Variants in FAM135B observed in about 807,000 individuals in gnomAD.
The protein encoded by FAM135B is protein FAM135B.
In FAM135B, 43 loss-of-function variants were observed where a neutral mutation model predicts 127.7. The ratio of observed to expected loss-of-function variants is 0.34; its 90% CI spans 0.26 to 0.43. The LOEUF (loss-of-function observed/expected upper bound fraction) is 0.43. FAM135B is among the 20% of genes least tolerant of loss of function. The pLI is 1.00. For synonymous variants in FAM135B, 670 were observed against 665.1 expected (o/e 1.01, Z -0.11); for missense variants, 1,558 against 1,725.6 (o/e 0.90, Z 1.72).
intron 1 of FAM135B, among the ~76,000 whole-genome samples, chr8:138,407,604 C>A (rs1193668392): frequency 6.6e-6 from 1 of 152,162 alleles, no homozygotes; most frequent in Non-Finnish European, 1.5e-5. Flanking sequence ...AATAATGCTG[C>A]ATACCTACAA....
In FAM135B at chr8:138,341,223, A is replaced by T. The variant is rs80205495; in HGVS notation, c.77+26684T>A. Among the ~76,000 whole-genome samples, 1,329 of 152,354 alleles carry T rather than the reference A, an allele frequency of 8.7e-3. 23 individuals carry two copies. Among genetic ancestry groups the T allele is most frequent in the African/African-American group, 0.031 (1,275 of 41,576 alleles). ...ATGCCCATACAATGGAACAGTATTC[A>T]GCCTTAAAATGGAAGGAAATTCTGA... On this transcript the variant is annotated intron_variant, in intron 2 of 19. Coordinates refer to ENST00000395297, the MANE Select transcript of FAM135B (RefSeq NM_015912.4).
intron 7 of FAM135B, among the ~76,000 whole-genome samples, chr8:138,221,871 A>G (rs1200791692): frequency 2.0e-5 from 3 of 152,254 alleles, no homozygotes; most frequent in African/African-American, 7.2e-5. Context: ...ATGCGCACAC[A>G]CCCACACATA....
At chr8:138,362,704 CTTA>C (rs1389513074) in intron 2 of FAM135B, among the ~76,000 whole-genome samples, 1 of 152,156 alleles carries the variant, frequency 6.6e-6, no homozygotes, top group Admixed American at 6.6e-5. Flanking sequence ...GGTACGATTA[CTTA>C]TTATTGTTAT....
chr8:138,367,512 G>A (rs535734421), intron 2 of FAM135B: 29 of 451,528 alleles, frequency 6.4e-5, no homozygotes, highest in Admixed American at 4.1e-4. Context: ...GTTACAATAC[G>A]TGGTTTTGAA....
chr8:138,453,612 C>A (rs1218868370), intron 1 of FAM135B, among the ~76,000 whole-genome samples: 2 of 152,112 alleles, frequency 1.3e-5, no homozygotes, highest in African/African-American at 4.8e-5. Flanking sequence ...GCCAGGGTAC[C>A]ACATACAGTT....
chr8:138,226,644 C>A (rs1376164599), intron 7 of FAM135B, among the ~76,000 whole-genome samples: 1 of 152,118 alleles, frequency 6.6e-6, no homozygotes, highest in African/African-American at 2.4e-5. Context: ...TCACTGCAAC[C>A]ACCACCTCCC....
intron 6 of FAM135B, among the ~76,000 whole-genome samples, chr8:138,249,856 T>C (rs987473339): frequency 2.0e-5 from 3 of 152,216 alleles, no homozygotes; most frequent in African/African-American, 4.8e-5. Context: ...CGTGGAACTT[T>C]TGCCCATGTG....
At chr8:138,390,689 T>C (rs979821368) in intron 1 of FAM135B, among the ~76,000 whole-genome samples, 5 of 152,314 alleles carry the variant, frequency 3.3e-5, no homozygotes, top group Non-Finnish European at 4.4e-5. Context: ...AAATCAGCCA[T>C]TCACTAAATG....
chr8:138,354,663 G>C (rs930494652), intron 2 of FAM135B, among the ~76,000 whole-genome samples: 2 of 152,070 alleles, frequency 1.3e-5, no homozygotes, highest in African/African-American at 4.8e-5. Context: ...AGAATTCTTA[G>C]GATAGAGCCA....
chr8:138,286,310 C>T (rs896091731), intron 3 of FAM135B, among the ~76,000 whole-genome samples: 4 of 152,154 alleles, frequency 2.6e-5, no homozygotes, highest in Admixed American at 2.0e-4. Context: ...GCTCTTGGAC[C>T]CCTGGGTCAG....
intron 1 of FAM135B, among the ~76,000 whole-genome samples, chr8:138,416,885 C>T (rs1834189368): frequency 6.6e-6 from 1 of 152,106 alleles, no homozygotes; most frequent in African/African-American, 2.4e-5. Flanking sequence ...AGGACTCAGT[C>T]CTGGCCCAGA....
intron 1 of FAM135B, chr8:138,439,451 T>C (rs976153775): frequency 5.3e-5 from 8 of 152,218 alleles, no homozygotes; most frequent in Admixed American, 3.9e-4. Flanking sequence ...CAAACACCAG[T>C]CTCATCTTCA....
intron 2 of FAM135B, among the ~76,000 whole-genome samples, chr8:138,326,073 G>A (rs1034977297): frequency 2.0e-5 from 3 of 152,106 alleles, no homozygotes; most frequent in Admixed American, 2.0e-4. Flanking sequence ...AAAAAAATAT[G>A]AGATTGCTGA....
chr8:138,153,451 G>A (rs959023838), intron 12 of FAM135B, among the ~76,000 whole-genome samples: 1 of 152,148 alleles, frequency 6.6e-6, no homozygotes, highest in Non-Finnish European at 1.5e-5. Context: ...TGGACAGTGA[G>A]TGCAGCCCAC....
At chr8:138,404,422 G>T (rs60324104) in intron 1 of FAM135B, among the ~76,000 whole-genome samples, 2 of 152,190 alleles carry the variant, frequency 1.3e-5, no homozygotes, top group Non-Finnish European at 2.9e-5. Flanking sequence ...AATAGTTGCT[G>T]AAGGTTAAGG....
At chr8:138,482,754 G>A (rs1229373817) in intron 1 of FAM135B, among the ~76,000 whole-genome samples, 1 of 152,174 alleles carries the variant, frequency 6.6e-6, no homozygotes, top group African/African-American at 2.4e-5. Flanking sequence ...ACCAATGCCA[G>A]TAGCAAAGTT....
chr8:138,306,584 CTTTT>C (rs11286136), intron 3 of FAM135B, among the ~76,000 whole-genome samples: 9 of 114,756 alleles, frequency 7.8e-5, no homozygotes, highest in Admixed American at 1.7e-4. Flanking sequence ...GTGTATCATT[CTTTT>C]TTTTTTTTTT....
At chr8:138,173,543 T>C (rs1272156489) in intron 11 of FAM135B, among the ~76,000 whole-genome samples, 2 of 152,156 alleles carry the variant, frequency 1.3e-5, no homozygotes, top group African/African-American at 2.4e-5. Flanking sequence ...ACCTACCTCA[T>C]AGAGTTCATG....
intron 1 of FAM135B, among the ~76,000 whole-genome samples, chr8:138,381,541 C>A (rs751675312): frequency 1.3e-5 from 2 of 152,056 alleles, no homozygotes; most frequent in Non-Finnish European, 2.9e-5. Context: ...TGAAGGACAG[C>A]CATGGAGTCT....
Sources: gnomAD v4.1 joint callset for allele counts (sites outside exome capture counted in the v4.1 genomes callset) on GRCh38, gnomAD v4.1.1 for gene constraint, MANE v1.5 for transcripts, NCBI Gene and HGNC (gene_info 2026-07-23, HGNC 2026-07-21) for gene names.